ITSN1: variants seen among roughly 807,000 people sequenced by gnomAD.
ITSN1 encodes the protein intersectin-1.
A neutral mutation model predicts 239.8 loss-of-function variants in ITSN1; 58 were observed. That is an observed-to-expected ratio of 0.24 (90% confidence interval 0.20 to 0.30). The LOEUF (loss-of-function observed/expected upper bound fraction) is 0.30, where lower values mean the gene tolerates loss of function less well. ITSN1 is among the 10% of genes least tolerant of loss of function. ITSN1 has a pLI of 1.00. For synonymous variants in ITSN1, 780 were observed against 770.8 expected (o/e 1.01, Z -0.20); for missense variants, 1,558 against 2,103.3 (o/e 0.74, Z 5.07).
intron 34 of ITSN1, among the ~76,000 whole-genome samples, chr21:33,880,987 C>T (rs572057588): frequency 1.2e-3 from 181 of 152,118 alleles, no homozygotes; most frequent in Middle Eastern, 6.8e-3. Flanking sequence ...CAGCGCCCAC[C>T]GTGTCTCTAA....
chr21:33,686,413 CTT>C (rs2091239350), intron 1 of ITSN1, among the ~76,000 whole-genome samples: 1 of 151,880 alleles, frequency 6.6e-6, no homozygotes, highest in African/African-American at 2.4e-5. Context: ...AATTTGTTAT[CTT>C]AAGTTTTTCA....
intron 30 of ITSN1, among the ~76,000 whole-genome samples, chr21:33,857,751 A>G (rs548367122): frequency 6.6e-6 from 1 of 152,310 alleles, no homozygotes; most frequent in Non-Finnish European, 1.5e-5. Flanking sequence ...CTGTTATTAA[A>G]TATGCAGTTC....
intron 17 of ITSN1, among the ~76,000 whole-genome samples, chr21:33,795,806 T>C (rs1602281503): frequency 6.6e-6 from 1 of 152,140 alleles, no homozygotes; most frequent in East Asian, 1.9e-4. Context: ...ATACATAAAA[T>C]AGCATAATAC....
chr21:33,834,320 A>G lies in ITSN1; in HGVS notation c.3365A>G (p.Lys1122Arg). Residue 1122 changes from lysine to arginine, a missense_variant, in exon 28 of 40, where the codon AAG (lysine) becomes AGG (arginine). By Grantham distance (26) the Lys-to-Arg change is conservative. Coordinates refer to ENST00000381318, the MANE Select transcript of ITSN1 (RefSeq NM_003024.3). ...WEGELQARGKKRQIGWFPANY... is the reference protein window; with the variant it reads ...WEGELQARGKRRQIGWFPANY... ...TTTTCTTACTAGGCACGTGGGAAAA[A>G]GCGCCAGATAGGCTGGTTCCCAGCT... The G allele has an allele frequency of 6.2e-7, 1 of 1,613,602 alleles. No homozygotes were observed. The highest frequency in any genetic ancestry group is 2.2e-5 in the East Asian group (1 of 44,894).
At chr21:33,854,652 C>G (rs1978969863) in intron 29 of ITSN1, among the ~76,000 whole-genome samples, 1 of 152,258 alleles carries the variant, frequency 6.6e-6, no homozygotes, top group Admixed American at 6.5e-5. Context: ...GCCCCGTGGC[C>G]TGCCTCCTTC....
Position 33,826,871 on chromosome 21 carries a change from A to T in ITSN1, c.3229+8A>T, listed in dbSNP as rs1569261117. On this transcript the variant is annotated splice_region_variant and intron_variant, in intron 26 of 39. Transcript: ENST00000381318. ...GTTTAGGAAAAAAACCTGGTAAGTT[A>T]CAAACCCTGATGCTTACTTTTCAAT... The T allele has an allele frequency of 6.2e-7, 1 of 1,610,480 alleles. No individual in the cohort carries two copies. The highest frequency in any genetic ancestry group is 1.7e-5 in the Admixed American group (1 of 60,020).
At chr21:33,722,468 C>T in intron 3 of ITSN1, 120 bp from the exon 4 acceptor site, 1 of 1,250,866 alleles carries the variant, frequency 8.0e-7, no homozygotes, top group Non-Finnish European at 1.1e-6. Flanking sequence ...ATAATGCACT[C>T]AACTGGTATT....
intron 18 of ITSN1, among the ~76,000 whole-genome samples, chr21:33,799,479 T>C (rs56148727): frequency 0.018 from 2,799 of 152,130 alleles, 89 homozygotes; most frequent in African/African-American, 0.063. Context: ...GGAGGGCGGG[T>C]ATTGATGCTT....
chr21:33,789,037 C>A (rs543254185), intron 16 of ITSN1, among the ~76,000 whole-genome samples: 2 of 152,276 alleles, frequency 1.3e-5, no homozygotes, highest in Admixed American at 1.3e-4. Context: ...TTTCTGTGTT[C>A]TGAAATCGTT....
intron 4 of ITSN1, among the ~76,000 whole-genome samples, chr21:33,728,381 C>A (rs71326960): frequency 0.11 from 16,027 of 151,994 alleles, 1,133 homozygotes; most frequent in Admixed American, 0.18. Flanking sequence ...TACAGGCGCG[C>A]GCCACTATGC....
intron 1 of ITSN1, among the ~76,000 whole-genome samples, chr21:33,668,955 A>G (rs898787015): frequency 1.3e-5 from 2 of 152,244 alleles, no homozygotes; most frequent in African/African-American, 4.8e-5. Flanking sequence ...ATAGATGCCT[A>G]GGCGGCTGAA....
intron 1 of ITSN1, among the ~76,000 whole-genome samples, chr21:33,666,462 T>C (rs552388135): frequency 1.1e-3 from 121 of 107,546 alleles, no homozygotes; most frequent in African/African-American, 5.4e-3. Context: ...TGCTGCAATT[T>C]AAAAAAAATA....
intron 27 of ITSN1, among the ~76,000 whole-genome samples, chr21:33,833,005 C>T (rs146431618): frequency 4.0e-5 from 6 of 151,380 alleles, no homozygotes; most frequent in Non-Finnish European, 8.8e-5. Flanking sequence ...TGTTTCTAGA[C>T]GTGTGTGTGT....
At chr21:33,888,082 A>G (rs1216380282) in intron 39 of ITSN1, 70 bp from the exon 40 acceptor site, 12 of 1,532,082 alleles carry the variant, frequency 7.8e-6, no homozygotes, top group South Asian at 3.6e-5. Flanking sequence ...GGGGTCCCCA[A>G]TATGCCAGAC....
In ITSN1 at chr21:33,778,571, C is replaced by T. The variant is rs867376240; in HGVS notation, c.1597-2890C>T. The stretch of plus-strand genomic sequence containing the variant: ...TGTATAAAGTTGTTTATAATATTCT[C>T]TTTTTTTTTTTTTTTTTTTTTTTTT... On this transcript the variant is annotated intron_variant, in intron 14 of 39. Transcript: ENST00000381318. 1.4e-4 allele frequency among the ~76,000 whole-genome samples: 9 copies of T among 63,952 alleles called. No individual in the cohort carries two copies. In the East Asian group the frequency reaches 1.6e-3, roughly 11 times the overall value. The allele number at this position is 63,952 out of a possible 152,430, so 42.0% of individuals were successfully genotyped here. A position where few individuals can be genotyped will look rare whatever the true frequency, so the allele number is the denominator to read the frequency against.
intron 1 of ITSN1, among the ~76,000 whole-genome samples, chr21:33,668,966 G>A (rs1168377528): frequency 6.6e-6 from 1 of 152,248 alleles, no homozygotes; most frequent in East Asian, 1.9e-4. Flanking sequence ...GGCGGCTGAA[G>A]GGGATGTGGC....
In ITSN1 at chr21:33,763,795, T is replaced by C. The variant is rs188698435; in HGVS notation, c.788+1809T>C. ...AATTTAAATGTTAACTAGAATGGTT[T>C]CTTAAGAAGTGTGCATGTTATAGCT... On this transcript the variant is annotated intron_variant, in intron 9 of 39. Transcript: ENST00000381318. Among the ~76,000 whole-genome samples the C allele has an allele frequency of 3.7e-4, 57 of 152,318 alleles. 2 individuals are homozygous for C. Among genetic ancestry groups the C allele is most frequent in the Admixed American group, 3.5e-3 (54 of 15,300 alleles).
At chr21:33,825,461 G>C (rs1352443825) in intron 25 of ITSN1, among the ~76,000 whole-genome samples, 1 of 152,208 alleles carries the variant, frequency 6.6e-6, no homozygotes, top group African/African-American at 2.4e-5. Flanking sequence ...GGCATGGGGA[G>C]AGTCGTCCCA....
At chr21:33,843,972 T>G (rs1400400836) in intron 29 of ITSN1, among the ~76,000 whole-genome samples, 1 of 152,220 alleles carries the variant, frequency 6.6e-6, no homozygotes, top group African/African-American at 2.4e-5. Context: ...TCAAGTGCCT[T>G]CTTTCATTAA....
Sources: allele counts gnomAD v4.1 joint callset (sites outside exome capture counted in the v4.1 genomes callset), GRCh38; gene constraint gnomAD v4.1.1; transcripts MANE v1.5; gene names NCBI Gene and HGNC (gene_info 2026-07-23, HGNC 2026-07-21).